The following KCTD16 variants were observed in gnomAD, a reference collection of about 807,000 sequenced individuals.
KCTD16 encodes BTB/POZ domain-containing protein KCTD16.
Under a neutral mutation model 33.2 loss-of-function variants are expected in KCTD16, and 13 were observed. That is an observed-to-expected ratio of 0.39 (90% CI 0.25 to 0.62). KCTD16 has a LOEUF of 0.62. Among genes scored for constraint, KCTD16 ranks in the 20% least tolerant of loss-of-function variants. The probability of loss-of-function intolerance (pLI) is 0.50; values close to 1 mark genes in which losing one functional copy is unlikely to be tolerated. For synonymous variants in KCTD16, 197 were observed against 195.3 expected (o/e 1.01, Z -0.07); for missense variants, 441 against 525.1 (o/e 0.84, Z 1.57).
intron 3 of KCTD16, among the ~76,000 whole-genome samples, chr5:144,392,753 A>G (rs1752478761): frequency 1.3e-5 from 2 of 152,184 alleles, no homozygotes; most frequent in African/African-American, 4.8e-5. Flanking sequence ...TTACTTCTGG[A>G]CAGAACATTT....
chr5:144,231,291 A>G (rs909700438), intron 3 of KCTD16, among the ~76,000 whole-genome samples: 1 of 151,744 alleles, frequency 6.6e-6, no homozygotes, highest in Non-Finnish European at 1.5e-5. Context: ...CTCTTCATCC[A>G]TGTATTTGAT....
intron 3 of KCTD16, among the ~76,000 whole-genome samples, chr5:144,299,126 ATATATATATATATATATATATAT>A (rs1374452663): frequency 3.8e-4 from 9 of 23,816 alleles, no homozygotes; most frequent in African/African-American, 1.4e-3. Flanking sequence ...ATATATATAT[ATATATATATATATATATATATAT>A]TTTTTTTTTT....
rs183513589 is a variant in KCTD16, at chr5:144,284,107, G to A, written c.832+76561G>A. Among the ~76,000 whole-genome samples the A allele has an allele frequency of 1.6e-3, 249 of 152,222 alleles. 1 individual carries two copies. Among genetic ancestry groups the A allele is most frequent in the Non-Finnish European group, 7.5e-4 (51 of 67,992 alleles). ...ACTCCAGATTCCTAATCTCCCCTTA[G>A]AACAACTTTAGCAAATAGAATATCT... On this transcript the variant is annotated intron_variant, in intron 3 of 3. Coordinates refer to ENST00000512467, the MANE Select transcript of KCTD16 (RefSeq NM_020768.4).
At chr5:144,280,655 T>C (rs960350932) in intron 3 of KCTD16, among the ~76,000 whole-genome samples, 6 of 152,248 alleles carry the variant, frequency 3.9e-5, no homozygotes, top group African/African-American at 1.2e-4. Context: ...CTGGGCGCAG[T>C]GGCTCACGCC....
chr5:144,409,887 A>G (rs1290387434), intron 3 of KCTD16, among the ~76,000 whole-genome samples: 1 of 152,194 alleles, frequency 6.6e-6, no homozygotes, highest in African/African-American at 2.4e-5. Flanking sequence ...CATAAGTACT[A>G]TGGTGGGGGA....
intron 3 of KCTD16, among the ~76,000 whole-genome samples, chr5:144,329,776 GA>G (rs1561569569): frequency 6.6e-6 from 1 of 152,172 alleles, no homozygotes; most frequent in Non-Finnish European, 1.5e-5. Flanking sequence ...CAAGTTTGCA[GA>G]ATACTTTCAC....
chr5:144,180,084 G>T (rs1304361284), intron 2 of KCTD16, among the ~76,000 whole-genome samples: 2 of 152,164 alleles, frequency 1.3e-5, no homozygotes, highest in South Asian at 4.1e-4. Flanking sequence ...CATTCTTTGT[G>T]AACTGGAAGG....
At chr5:144,354,962 T>A (rs1751539877) in intron 3 of KCTD16, among the ~76,000 whole-genome samples, 1 of 152,206 alleles carries the variant, frequency 6.6e-6, no homozygotes, top group Admixed American at 6.5e-5. Flanking sequence ...ACTTGATATG[T>A]GTTAGACCCT....
At chr5:144,467,363 C>T (rs1450129363) in intron 3 of KCTD16, among the ~76,000 whole-genome samples, 2 of 152,026 alleles carry the variant, frequency 1.3e-5, no homozygotes, top group Admixed American at 6.6e-5. Context: ...TGTCTGTACA[C>T]AGCAGGCTTC....
intron 3 of KCTD16, among the ~76,000 whole-genome samples, chr5:144,275,366 T>A (rs899567761): frequency 6.6e-6 from 1 of 152,184 alleles, no homozygotes; most frequent in Non-Finnish European, 1.5e-5. Flanking sequence ...CCAGAGCACA[T>A]TCTCTTTCTT....
chr5:144,447,928 G>A (rs1452603980), intron 3 of KCTD16, among the ~76,000 whole-genome samples: 1 of 152,070 alleles, frequency 6.6e-6, no homozygotes, highest in Non-Finnish European at 1.5e-5. Flanking sequence ...ACTTAAATTA[G>A]AAGTTCTAAG....
intron 2 of KCTD16, among the ~76,000 whole-genome samples, chr5:144,182,923 T>C (rs541297488): frequency 6.6e-6 from 1 of 152,334 alleles, no homozygotes. Context: ...ACTTAACACA[T>C]ATACATACAC....
chr5:144,290,056 G>T (rs954974791), intron 3 of KCTD16, among the ~76,000 whole-genome samples: 1 of 152,168 alleles, frequency 6.6e-6, no homozygotes, highest in Non-Finnish European at 1.5e-5. Flanking sequence ...CAAGGCGAGT[G>T]AATCATTTGA....
intron 3 of KCTD16, among the ~76,000 whole-genome samples, chr5:144,439,985 C>A (rs1363222): frequency 0.079 from 11,839 of 150,764 alleles, 1,550 homozygotes; most frequent in African/African-American, 0.27. Context: ...AGCCCACTAA[C>A]AACAGACACA....
At chr5:144,466,414 TG>T (rs897220986) in intron 3 of KCTD16, among the ~76,000 whole-genome samples, 5 of 151,924 alleles carry the variant, frequency 3.3e-5, no homozygotes, top group Non-Finnish European at 7.4e-5. Context: ...TTATTTCCAA[TG>T]GGCAGAGGGA....
At chr5:144,190,242 A>T (rs1291114825) in intron 2 of KCTD16, among the ~76,000 whole-genome samples, 1 of 152,116 alleles carries the variant, frequency 6.6e-6, no homozygotes, top group Non-Finnish European at 1.5e-5. Context: ...TCCATGACTT[A>T]TTTATCTCTG....
intron 3 of KCTD16, among the ~76,000 whole-genome samples, chr5:144,331,756 G>T (rs1347512837): frequency 6.6e-6 from 1 of 152,316 alleles, no homozygotes; most frequent in Non-Finnish European, 1.5e-5. Context: ...CAGTGGGAAA[G>T]TCTCAGAGCT....
intron 3 of KCTD16, among the ~76,000 whole-genome samples, chr5:144,278,860 A>G (rs1186078161): frequency 6.6e-6 from 1 of 152,142 alleles, no homozygotes; most frequent in African/African-American, 2.4e-5. Flanking sequence ...ATCCTGCTGA[A>G]ATTTGCATTT....
chr5:144,445,222 A>AT (rs1753794938), intron 3 of KCTD16, among the ~76,000 whole-genome samples: 1 of 151,914 alleles, frequency 6.6e-6, no homozygotes, highest in African/African-American at 2.4e-5. Context: ...CTTCTGTTCC[A>AT]GTTTAGTCTT....
Sources: gnomAD v4.1 joint callset for allele counts (sites outside exome capture counted in the v4.1 genomes callset) on GRCh38, gnomAD v4.1.1 for gene constraint, MANE v1.5 for transcripts, NCBI Gene and HGNC (gene_info 2026-07-23, HGNC 2026-07-21) for gene names.